Variants in NT5M observed in about 807,000 individuals in gnomAD.
NT5M encodes the protein 5'(3')-deoxyribonucleotidase, mitochondrial.
A neutral mutation model predicts 22.2 loss-of-function variants in NT5M; 22 were observed. The observed-to-expected ratio is 0.99, with a 90% CI of 0.71 to 1.41. NT5M has a LOEUF of 1.41. NT5M is among the 40% of genes most tolerant of loss of function. The pLI, the probability that NT5M is intolerant of heterozygous loss-of-function variation, is 0.00. For synonymous variants in NT5M, 167 were observed against 133.0 expected (o/e 1.26, Z -1.76); for missense variants, 322 against 314.8 (o/e 1.02, Z -0.17).
intron 3 of NT5M, among the ~76,000 whole-genome samples, chr17:17,326,059 C>T (rs16942153): frequency 0.14 from 21,833 of 152,156 alleles, 1,779 homozygotes; most frequent in Non-Finnish European, 0.17. Flanking sequence ...GAGGACTCAG[C>T]GTTTGTTGTT....
intron 3 of NT5M, among the ~76,000 whole-genome samples, chr17:17,331,771 TTTTTCTTTTTC>T (rs1213581339): frequency 6.6e-6 from 1 of 151,298 alleles, no homozygotes; most frequent in Non-Finnish European, 1.5e-5. Context: ...TATGGTATTC[TTTTTCTTTTTC>T]TTTTCTTTTT....
At chr17:17,330,113 A>T (rs1354549360) in intron 3 of NT5M, among the ~76,000 whole-genome samples, 1 of 152,146 alleles carries the variant, frequency 6.6e-6, no homozygotes, top group African/African-American at 2.4e-5. Flanking sequence ...ATCTTGGCTA[A>T]CACGGTGAAA....
chr17:17,324,166 T>C (rs1459509389), intron 3 of NT5M, among the ~76,000 whole-genome samples: 2 of 146,184 alleles, frequency 1.4e-5, no homozygotes, highest in Admixed American at 6.8e-5. Context: ...TGAGCCACCG[T>C]GCCTGGCCTG....
intron 3 of NT5M, among the ~76,000 whole-genome samples, chr17:17,339,492 G>A (rs2049594148): frequency 6.6e-6 from 1 of 152,004 alleles, no homozygotes; most frequent in Non-Finnish European, 1.5e-5. Context: ...GCTCTAGCGA[G>A]GACTTCCAGT....
At chr17:17,310,284 C>T (rs9896977) in intron 2 of NT5M, among the ~76,000 whole-genome samples, 116,822 of 152,014 alleles carry the variant, frequency 0.77, 45,429 homozygotes, top group Non-Finnish European at 0.83. Context: ...CACAGTGGCT[C>T]ATGCCTGTAA....
chr17:17,308,784 A>T (rs1314798134), intron 2 of NT5M, among the ~76,000 whole-genome samples: 1 of 152,116 alleles, frequency 6.6e-6, no homozygotes, highest in African/African-American at 2.4e-5. Flanking sequence ...CCTGGCAACC[A>T]CTAATCTACT....
At chr17:17,307,397 G>C (rs2048826550) in intron 2 of NT5M, among the ~76,000 whole-genome samples, 1 of 152,142 alleles carries the variant, frequency 6.6e-6, no homozygotes, top group African/African-American at 2.4e-5. Context: ...GCCGAGGCAG[G>C]TGGATCACCT....
At chr17:17,314,025 A>G (rs2048972835) in intron 2 of NT5M, among the ~76,000 whole-genome samples, 1 of 149,372 alleles carries the variant, frequency 6.7e-6, no homozygotes, top group African/African-American at 2.5e-5. Flanking sequence ...TTGTTCGGGA[A>G]TATATGAATA....
intron 1 of NT5M, among the ~76,000 whole-genome samples, chr17:17,304,895 G>A (rs973427658): frequency 6.6e-6 from 1 of 152,146 alleles, no homozygotes; most frequent in African/African-American, 2.4e-5. Context: ...AGGGACAGGT[G>A]TTAAAAAAGG....
chr17:17,324,696 C>T (rs1408372250), intron 3 of NT5M, among the ~76,000 whole-genome samples: 1 of 151,456 alleles, frequency 6.6e-6, no homozygotes, highest in Non-Finnish European at 1.5e-5. Context: ...GGGTCTTGTT[C>T]TGTCACCCAG....
At chr17:17,346,656 G>A (rs937240315) in intron 4 of NT5M, 149 bp from the exon 5 acceptor site, 1 of 852,902 alleles carries the variant, frequency 1.2e-6, no homozygotes, top group Admixed American at 2.6e-5. Context: ...CACACCCGCT[G>A]CGAAGGCGGG....
At chr17:17,325,913 A>G (rs532565288) in intron 3 of NT5M, among the ~76,000 whole-genome samples, 1 of 151,832 alleles carries the variant, frequency 6.6e-6, no homozygotes, top group Admixed American at 6.6e-5. Flanking sequence ...ACTTCCCACC[A>G]CTTGAAATGG....
intron 3 of NT5M, among the ~76,000 whole-genome samples, chr17:17,326,555 A>G (rs952626545): frequency 2.0e-5 from 3 of 152,246 alleles, no homozygotes; most frequent in African/African-American, 7.2e-5. Context: ...CCGTAGGGGC[A>G]GAGCCCGCAG....
intron 3 of NT5M, among the ~76,000 whole-genome samples, chr17:17,339,681 A>G (rs1055791376): frequency 6.6e-6 from 1 of 152,224 alleles, no homozygotes; most frequent in South Asian, 2.1e-4. Flanking sequence ...GGTTTTTATC[A>G]TGAAAGGATA....
intron 3 of NT5M, among the ~76,000 whole-genome samples, chr17:17,335,342 C>G (rs2049485600): frequency 6.6e-6 from 1 of 151,852 alleles, no homozygotes. Flanking sequence ...ACTGCAAGCT[C>G]CGCCTCCTGG....
At chr17:17,340,840 T>A (rs2049628003) in intron 3 of NT5M, among the ~76,000 whole-genome samples, 1 of 152,148 alleles carries the variant, frequency 6.6e-6, no homozygotes, top group Admixed American at 6.6e-5. Context: ...TGTTTTTCTG[T>A]TTCTTTAGGA....
intron 2 of NT5M, among the ~76,000 whole-genome samples, chr17:17,314,941 T>C (rs1025919969): frequency 6.6e-6 from 1 of 152,162 alleles, no homozygotes; most frequent in Non-Finnish European, 1.5e-5. Flanking sequence ...CCTGAGTGTG[T>C]ACTCTAAGCT....
intron 3 of NT5M, among the ~76,000 whole-genome samples, chr17:17,333,878 G>C (rs1260626002): frequency 6.9e-6 from 1 of 145,710 alleles, no homozygotes; most frequent in Non-Finnish European, 1.5e-5. Flanking sequence ...CTGTCACCCA[G>C]TCTGGAGTGC....
chr17:17,329,240 G>A (rs7212369), intron 3 of NT5M, among the ~76,000 whole-genome samples: 37,116 of 152,088 alleles, frequency 0.24, 5,065 homozygotes, highest in African/African-American at 0.36. Flanking sequence ...GGCCTCCCAA[G>A]GTGCTGGGAT....
Sources: allele counts gnomAD v4.1 joint callset (sites outside exome capture counted in the v4.1 genomes callset), GRCh38; gene constraint gnomAD v4.1.1; transcripts MANE v1.5; gene names NCBI Gene and HGNC (gene_info 2026-07-23, HGNC 2026-07-21).